Variants in PRKCB observed in about 807,000 individuals in gnomAD.
The protein encoded by PRKCB is protein kinase C beta type.
A neutral mutation model predicts 81.5 loss-of-function variants in PRKCB; 13 were observed. That is an observed-to-expected ratio of 0.16 (90% CI 0.10 to 0.25). The LOEUF is 0.25. Among genes scored for constraint, PRKCB ranks in the 10% least tolerant of loss-of-function variants. The pLI, the probability that PRKCB is intolerant of heterozygous loss-of-function variation, is 1.00. For missense variants in PRKCB, 509 were observed against 875.7 expected (o/e 0.58, Z 5.29); for synonymous variants, 335 against 321.4 (o/e 1.04, Z -0.45).
At chr16:24,159,852 G>A (rs1443978018) in intron 10 of PRKCB, among the ~76,000 whole-genome samples, 1 of 152,042 alleles carries the variant, frequency 6.6e-6, no homozygotes, top group Admixed American at 6.6e-5. Context: ...TAGGAGTGAT[G>A]CACGCACCCG....
chr16:24,018,735 C>G (rs531703604), intron 3 of PRKCB, among the ~76,000 whole-genome samples: 1 of 152,308 alleles, frequency 6.6e-6, no homozygotes, highest in East Asian at 1.9e-4. Flanking sequence ...TGAAGCAAAT[C>G]GTCACCCAAC....
At chr16:24,200,720 G>C (rs1468410799) in intron 16 of PRKCB, among the ~76,000 whole-genome samples, 1 of 152,096 alleles carries the variant, frequency 6.6e-6, no homozygotes, top group Admixed American at 6.6e-5. Flanking sequence ...TGCACATGCA[G>C]GGGAAAGATA....
intron 7 of PRKCB, 129 bp from the exon 8 acceptor site, chr16:24,112,837 CCAAAACA>C (rs1567378989): frequency 1.4e-5 from 3 of 207,928 alleles, no homozygotes; most frequent in East Asian, 1.6e-4. Context: ...GAAAAACAAA[CCAAAACA>C]AACCAAAAAA....
At chr16:24,009,065 T>C (rs1177621459) in intron 3 of PRKCB, among the ~76,000 whole-genome samples, 1 of 152,226 alleles carries the variant, frequency 6.6e-6, no homozygotes, top group Non-Finnish European at 1.5e-5. Flanking sequence ...TTCCATCATA[T>C]GCATAAACAC....
Position 23,869,281 on chromosome 16 carries a change from C to T in PRKCB, c.205+31875C>T, listed in dbSNP as rs1567295959. ...CAAGAAAGGGCTGTTGCCTCAGCTGCGTCCTGGGATGGAAAAGACACAGGA... is the reference window on the plus strand; with the variant it reads ...CAAGAAAGGGCTGTTGCCTCAGCTGTGTCCTGGGATGGAAAAGACACAGGA... On this transcript the variant is annotated intron_variant, in intron 2 of 16. Coordinates refer to ENST00000643927, the MANE Select transcript of PRKCB (RefSeq NM_002738.7). 6 of 316,854 alleles carry T rather than the reference C, an allele frequency of 1.9e-5. No homozygotes were observed. The East Asian group carries it at 2.7e-4, about 14-fold the overall frequency. The allele number at this position is 316,854 out of a possible 1,614,324, so 19.6% of individuals were successfully genotyped here.
In PRKCB at chr16:24,220,228, G is replaced by C; in HGVS notation, c.*5412G>C. 7.5e-7 allele frequency: 1 copy of C among 1,335,932 alleles called. No homozygotes were observed. The highest frequency in any genetic ancestry group is 1.0e-6 in the Non-Finnish European group (1 of 972,368). The allele number at this position is 1,335,932 out of a possible 1,614,324, so 82.8% of individuals were successfully genotyped here. A position where few individuals can be genotyped will look rare whatever the true frequency, so the allele number is the denominator to read the frequency against. ...CATGCTGGCATTCAACATGTGGAAA[G>C]CTTGTCTTAGAGGGCTTTTCTTTGT... is the stretch of plus-strand genomic sequence containing the variant. On this transcript the variant is annotated 3_prime_UTR_variant, in exon 17 of 17. Transcript: ENST00000643927.
At chr16:24,038,532 C>T (rs984447329) in intron 5 of PRKCB, among the ~76,000 whole-genome samples, 1 of 152,270 alleles carries the variant, frequency 6.6e-6, no homozygotes, top group African/African-American at 2.4e-5. Flanking sequence ...GGGGTGAGCA[C>T]CTGGGCCTCT....
At chr16:23,892,731 AAC>A (rs564598408) in intron 2 of PRKCB, among the ~76,000 whole-genome samples, 111 of 152,218 alleles carry the variant, frequency 7.3e-4, no homozygotes, top group African/African-American at 2.6e-3. Flanking sequence ...ATGGGAGCTC[AAC>A]ACAATCTGAG....
intron 2 of PRKCB, among the ~76,000 whole-genome samples, chr16:23,840,875 C>T (rs1962251563): frequency 6.6e-6 from 1 of 152,080 alleles, no homozygotes; most frequent in Non-Finnish European, 1.5e-5. Context: ...GGTTGACTGC[C>T]TCATAATTTC....
At chr16:24,013,698 T>C (rs1376140558) in intron 3 of PRKCB, among the ~76,000 whole-genome samples, 2 of 151,272 alleles carry the variant, frequency 1.3e-5, no homozygotes, top group African/African-American at 2.4e-5. Flanking sequence ...ATGAACATAA[T>C]AGCTCTTCAA....
At chr16:23,998,673 A>G (rs1470675279) in intron 3 of PRKCB, among the ~76,000 whole-genome samples, 1 of 152,248 alleles carries the variant, frequency 6.6e-6, no homozygotes, top group African/African-American at 2.4e-5. Flanking sequence ...CTGTAAAAGC[A>G]CTTAGGACAG....
intron 11 of PRKCB, among the ~76,000 whole-genome samples, chr16:24,173,599 G>T (rs912647070): frequency 2.0e-5 from 3 of 152,140 alleles, no homozygotes; most frequent in African/African-American, 7.2e-5. Context: ...ACATCTAATT[G>T]ACCACAGGCT....
chr16:24,135,842 G>A (rs1966862838), intron 9 of PRKCB, among the ~76,000 whole-genome samples: 2 of 152,136 alleles, frequency 1.3e-5, no homozygotes, highest in Non-Finnish European at 2.9e-5. Context: ...ACAGACAAAA[G>A]CACTTCCCTG....
intron 2 of PRKCB, among the ~76,000 whole-genome samples, chr16:23,840,155 T>C (rs1962240905): frequency 6.6e-6 from 1 of 152,210 alleles, no homozygotes; most frequent in South Asian, 2.1e-4. Flanking sequence ...TGGGACTAAT[T>C]CTGGAACCAC....
At chr16:24,101,693 A>G (rs1466334300) in intron 7 of PRKCB, among the ~76,000 whole-genome samples, 1 of 152,222 alleles carries the variant, frequency 6.6e-6, no homozygotes, top group Admixed American at 6.5e-5. Flanking sequence ...TTACACTGTC[A>G]TAGCTTTTCT....
At chr16:23,958,613 A>G (rs576625732) in intron 2 of PRKCB, among the ~76,000 whole-genome samples, 2 of 152,180 alleles carry the variant, frequency 1.3e-5, no homozygotes, top group South Asian at 2.1e-4. Flanking sequence ...TCTTTTTATT[A>G]TTATACTTAG....
intron 2 of PRKCB, among the ~76,000 whole-genome samples, chr16:23,953,487 C>T (rs528784879): frequency 2.6e-5 from 4 of 152,124 alleles, no homozygotes; most frequent in Admixed American, 6.6e-5. Flanking sequence ...CCCAGGGGCT[C>T]CTTGAATTAA....
chr16:23,902,742 C>T, intron 2 of PRKCB, among the ~76,000 whole-genome samples: 1 of 26,490 alleles, frequency 3.8e-5, no homozygotes, highest in Non-Finnish European at 6.9e-5. Context: ...CCCTTCCTTC[C>T]TTCCTTCCTT....
intron 2 of PRKCB, among the ~76,000 whole-genome samples, chr16:23,958,731 C>T (rs1187244252): frequency 6.6e-6 from 1 of 151,700 alleles, no homozygotes; most frequent in African/African-American, 2.4e-5. Context: ...CTTATTCCTC[C>T]TCCTCCCCCA....
Sources: allele counts gnomAD v4.1 joint callset (sites outside exome capture counted in the v4.1 genomes callset), GRCh38; gene constraint gnomAD v4.1.1; transcripts MANE v1.5; gene names NCBI Gene and HGNC (gene_info 2026-07-23, HGNC 2026-07-21).